Variants in CNTN4 observed in about 807,000 individuals in gnomAD.
CNTN4 encodes contactin 4, also known as contactin-4.
Under a neutral mutation model 122.5 loss-of-function variants are expected in CNTN4, and 77 were observed. The ratio of observed to expected loss-of-function variants is 0.63; its 90% CI spans 0.52 to 0.76. The LOEUF is 0.76. Ranked by LOEUF, CNTN4 falls within the 30% of genes least tolerant of loss-of-function variation. CNTN4 has a pLI of 0.00. For synonymous variants in CNTN4, 512 were observed against 447.0 expected (o/e 1.15, Z -1.83); for missense variants, 1,256 against 1,259.1 (o/e 1.00, Z 0.04).
At position 2,108,509 on chromosome 3, in the gene CNTN4, G is replaced by C. The variant is rs1225481300; in HGVS notation, c.-145+7870G>C. Among the ~76,000 whole-genome samples the C allele has an allele frequency of 5.3e-5, 8 of 152,230 alleles. 1 individual carries two copies. Among genetic ancestry groups the C allele is most frequent in the African/African-American group, 1.9e-4 (8 of 41,546 alleles). ...AATTTGTTGCCTTGCCTTCTACATTGTAATAGCTCTCATTTAACATGCCAC... is the reference window on the plus strand; with the variant it reads ...AATTTGTTGCCTTGCCTTCTACATTCTAATAGCTCTCATTTAACATGCCAC... On this transcript the variant is annotated intron_variant, in intron 2 of 24. Coordinates refer to ENST00000418658, the MANE Select transcript of CNTN4 (RefSeq NM_175607.3).
intron 4 of CNTN4, among the ~76,000 whole-genome samples, chr3:2,577,976 A>T (rs1039759998): frequency 3.9e-5 from 6 of 152,122 alleles, no homozygotes; most frequent in African/African-American, 1.2e-4. Flanking sequence ...TGCTCACAAA[A>T]TCTATGTCGT....
intron 10 of CNTN4, among the ~76,000 whole-genome samples, chr3:2,897,601 G>A (rs550749865): frequency 5.9e-5 from 9 of 152,042 alleles, no homozygotes; most frequent in Non-Finnish European, 1.3e-4. Context: ...GGAATATTTC[G>A]ACCCAAGCCT....
chr3:2,831,130 A>G (rs1474902336), intron 7 of CNTN4, among the ~76,000 whole-genome samples: 1 of 152,216 alleles, frequency 6.6e-6, no homozygotes, highest in Admixed American at 6.5e-5. Context: ...AGAGAAAACT[A>G]TACATTTAGG....
Position 2,246,650 on chromosome 3 carries a change from A to G in CNTN4, c.-144-92528A>G, listed in dbSNP as rs192006861. 1.6e-3 allele frequency among the ~76,000 whole-genome samples: 238 copies of G among 152,172 alleles called. 1 individual carries two copies. The highest frequency in any genetic ancestry group is 5.5e-3 in the African/African-American group (230 of 41,550). ...TACTATTATAGGAAATACCAAGAAA[A>G]ATAAAAATTAAAAGACAAACAGCTT... On this transcript the variant is annotated intron_variant, in intron 2 of 24. Transcript: ENST00000418658.
chr3:2,670,909 T>G (rs1187635018), intron 4 of CNTN4, among the ~76,000 whole-genome samples: 1 of 152,236 alleles, frequency 6.6e-6, no homozygotes, highest in Non-Finnish European at 1.5e-5. Flanking sequence ...TTTAAGAATG[T>G]TGAATATTGG....
intron 3 of CNTN4, among the ~76,000 whole-genome samples, chr3:2,485,429 AC>A (rs1293311358): frequency 1.7e-4 from 26 of 152,248 alleles, no homozygotes; most frequent in Admixed American, 1.7e-3. Context: ...GATTGTAAAT[AC>A]ACCAAGCAGC....
intron 6 of CNTN4, among the ~76,000 whole-genome samples, 167 bp downstream of exon 6, chr3:2,745,864 G>A (rs914912841): frequency 6.6e-6 from 1 of 152,146 alleles, no homozygotes; most frequent in African/African-American, 2.4e-5. Context: ...AGGATAAACT[G>A]TAAATCTAAG....
At chr3:2,234,332 C>T (rs573610952) in intron 2 of CNTN4, among the ~76,000 whole-genome samples, 133 of 140,450 alleles carry the variant, frequency 9.5e-4, no homozygotes, top group African/African-American at 2.9e-3. Context: ...GAGAAAAGAT[C>T]GCACCATTGC....
intron 3 of CNTN4, among the ~76,000 whole-genome samples, chr3:2,519,806 C>T (rs2149133191): frequency 6.6e-6 from 1 of 152,264 alleles, no homozygotes; most frequent in East Asian, 1.9e-4. Context: ...TTCATAACAT[C>T]CAGTTTTCAA....
intron 3 of CNTN4, among the ~76,000 whole-genome samples, chr3:2,426,184 G>T (rs1042399271): frequency 7.2e-5 from 11 of 152,156 alleles, no homozygotes; most frequent in Admixed American, 1.3e-4. Flanking sequence ...TGCCCATTCA[G>T]TATGATGTTA....
Position 2,139,836 on chromosome 3 carries a change from TCA to T in CNTN4, c.-145+39200_-145+39201del, listed in dbSNP as rs553965046. Among the ~76,000 whole-genome samples, 449 of 152,322 alleles carry T rather than the reference TCA, an allele frequency of 2.9e-3. 3 individuals carry two copies. The highest frequency in any genetic ancestry group is 9.9e-3 in the African/African-American group (410 of 41,566). The stretch of plus-strand genomic sequence containing the variant: ...GTTGTCTAAATCAGTCAGCAACCTA[TCA>T]CAGATGTGTGCATCTTTTCCTACCA... On this transcript the variant is annotated intron_variant, in intron 2 of 24. Transcript: ENST00000418658.
intron 2 of CNTN4, among the ~76,000 whole-genome samples, chr3:2,325,960 G>C (rs937892097): frequency 6.6e-6 from 1 of 152,158 alleles, no homozygotes; most frequent in African/African-American, 2.4e-5. Context: ...TTGATACAGA[G>C]TGAAAAGAAT....
intron 2 of CNTN4, among the ~76,000 whole-genome samples, chr3:2,121,335 T>C (rs1260704631): frequency 6.6e-6 from 1 of 152,030 alleles, no homozygotes; most frequent in African/African-American, 2.4e-5. Context: ...CCGTCTCTAC[T>C]AAAAATAGAA....
intron 7 of CNTN4, among the ~76,000 whole-genome samples, chr3:2,837,605 C>T (rs1265823870): frequency 6.6e-6 from 1 of 152,140 alleles, no homozygotes; most frequent in African/African-American, 2.4e-5. Flanking sequence ...GCACTGTAGC[C>T]TAGTTAAGAA....
At chr3:2,887,371 T>C (rs1003749778) in intron 10 of CNTN4, 147 bp downstream of exon 10, 1 of 754,120 alleles carries the variant, frequency 1.3e-6, no homozygotes, top group Non-Finnish European at 2.2e-6. Context: ...TAATCAGCCC[T>C]GGTTGATTCT....
intron 3 of CNTN4, among the ~76,000 whole-genome samples, chr3:2,531,403 G>C (rs539002094): frequency 6.6e-6 from 1 of 152,140 alleles, no homozygotes; most frequent in Non-Finnish European, 1.5e-5. Flanking sequence ...AGAGAAGTTT[G>C]GAGGAACAAA....
chr3:2,582,874 AGACCAAT>A (rs765463300), intron 4 of CNTN4, among the ~76,000 whole-genome samples: 26 of 147,558 alleles, frequency 1.8e-4, no homozygotes, highest in Non-Finnish European at 4.5e-5. Flanking sequence ...GTTATGTCCC[AGACCAAT>A]GCTTTAAAAA....
At chr3:2,175,941 C>T (rs1026004536) in intron 2 of CNTN4, among the ~76,000 whole-genome samples, 1 of 152,150 alleles carries the variant, frequency 6.6e-6, no homozygotes, top group Non-Finnish European at 1.5e-5. Context: ...TTTACCAACC[C>T]CTTCATCTTT....
intron 2 of CNTN4, among the ~76,000 whole-genome samples, chr3:2,123,765 C>G (rs2033948675): frequency 6.6e-6 from 1 of 152,172 alleles, no homozygotes; most frequent in South Asian, 2.1e-4. Flanking sequence ...TTCAGACTTA[C>G]AGCTCTTGTC....
Sources: allele counts gnomAD v4.1 joint callset (sites outside exome capture counted in the v4.1 genomes callset), GRCh38; gene constraint gnomAD v4.1.1; transcripts MANE v1.5; gene names NCBI Gene and HGNC (gene_info 2026-07-23, HGNC 2026-07-21).